Variants in PCSK9 observed in about 807,000 individuals in gnomAD.
PCSK9 encodes the protein convertase subtilisin/kexin type 9 preproprotein.
PCSK9 carries 57 observed loss-of-function variants against 62.1 expected under a neutral mutation model. The ratio of observed to expected loss-of-function variants is 0.92; its 90% CI spans 0.74 to 1.14. The LOEUF is 1.14. PCSK9 is among the 50% of genes most tolerant of loss of function. The pLI is 0.00. For synonymous variants in PCSK9, 387 were observed against 409.4 expected (o/e 0.95, Z 0.66); for missense variants, 870 against 959.8 (o/e 0.91, Z 1.24).
At chr1:55,052,552 C>A in intron 4 of PCSK9, 98 bp from the exon 5 acceptor site, 1 of 1,602,836 alleles carries the variant, frequency 6.2e-7, no homozygotes, top group Non-Finnish European at 8.5e-7. Context: ...TCCCTGCCAT[C>A]AGTTGTGGGA....
chr1:55,040,148 A>C lies in PCSK9; in HGVS notation c.207+104A>C. Reference sequence around the variant, plus strand: ...TCCCCCCATGTAAGAGAGGAAGTGGAGTGCAGGTCGCCGAGGGCTCTTCGC... The same window carrying C: ...TCCCCCCATGTAAGAGAGGAAGTGGCGTGCAGGTCGCCGAGGGCTCTTCGC... On this transcript the variant is annotated intron_variant, in intron 1 of 11. Transcript: ENST00000302118. This position sits in a 1 kb window ranked among gnomAD's most constrained non-coding sequence, Gnocchi z 4.1. 1 of 1,422,222 alleles carries C rather than the reference A, an allele frequency of 7.0e-7. No homozygotes were observed. Among genetic ancestry groups the C allele is most frequent in the East Asian group, 2.5e-5 (1 of 39,924 alleles). The allele number at this position is 1,422,222 out of a possible 1,614,324, so 88.1% of individuals were successfully genotyped here.
At chr1:55,055,538 A>G (rs1007269758) in intron 5 of PCSK9, among the ~76,000 whole-genome samples, 1 of 152,222 alleles carries the variant, frequency 6.6e-6, no homozygotes, top group Non-Finnish European at 1.5e-5. Context: ...TGTATTGGTC[A>G]AGGTTCTGCA....
chr1:55,057,616 AC>A, intron 7 of PCSK9, 102 bp downstream of exon 7: 1 of 1,378,580 alleles, frequency 7.3e-7, no homozygotes, highest in Non-Finnish European at 1.0e-6. Context: ...GTGCAGGGGG[AC>A]CAGAGATGAA....
In PCSK9 at chr1:55,064,022, T is replaced by G; in HGVS notation, c.*438T>G. ...GCGGTAGGGGCTGCAGGGACAAACA[T>G]CGTTGGGGGGTGAGTGTGAAAGGTG... On this transcript the variant is annotated 3_prime_UTR_variant, in exon 12 of 12. Transcript: ENST00000302118. The G allele has an allele frequency of 5.6e-6, 1 of 177,662 alleles. No homozygotes were observed. The highest frequency in any genetic ancestry group is 1.2e-5 in the Non-Finnish European group (1 of 84,182). The allele number at this position is 177,662 out of a possible 1,614,324, so 11.0% of individuals were successfully genotyped here.
chr1:55,056,473 G>C (rs537428570), intron 6 of PCSK9, among the ~76,000 whole-genome samples: 76 of 152,130 alleles, frequency 5.0e-4, no homozygotes, highest in African/African-American at 1.8e-3. Flanking sequence ...CCCACACCCC[G>C]TCCTGGCCAC....
chr1:55,044,266 T>C (rs4275490), intron 2 of PCSK9, among the ~76,000 whole-genome samples: 13,172 of 152,226 alleles, frequency 0.087, 810 homozygotes, highest in African/African-American at 0.17. Flanking sequence ...ACGAGGAGAC[T>C]GAAGTTCAGA....
rs11583680 is a variant in PCSK9 at position 55,039,995 on chromosome 1, C to G, written c.158C>G (p.Ala53Gly). The G allele has an allele frequency of 5.1e-5, 80 of 1,578,106 alleles. No individual in the cohort carries two copies. Among genetic ancestry groups the G allele is most frequent in the Non-Finnish European group, 6.6e-5 (77 of 1,162,822 alleles). ...LALRSEEDGL[A>G]EAPEHGTTAT... ...TTGCGTTCCGAGGAGGACGGCCTGG[C>G]CGAAGCACCCGAGCACGGAACCACA... is the stretch of plus-strand genomic sequence containing the variant. Residue 53 changes from alanine (A) to glycine (G), a missense_variant, in exon 1 of 12, where the codon GCC becomes GGC. Ala to Gly is a moderately conservative substitution (Grantham distance 60). Coordinates refer to ENST00000302118, the MANE Select transcript of PCSK9 (RefSeq NM_174936.4).
chr1:55,059,226 T>C (rs1244377896), intron 9 of PCSK9, among the ~76,000 whole-genome samples: 3 of 152,198 alleles, frequency 2.0e-5, no homozygotes, highest in Non-Finnish European at 4.4e-5. Context: ...GCTGGATCCT[T>C]GCTTTGGCCT....
chr1:55,040,049 G>A lies in PCSK9; in HGVS notation c.207+5G>A, dbSNP rs1272703401. On this transcript the variant is annotated splice_donor_5th_base_variant and intron_variant, in intron 1 of 11. Transcript: ENST00000302118. This position sits in a 1 kb window ranked among gnomAD's most constrained non-coding sequence, Gnocchi z 4.1. Reference sequence around the variant, plus strand: ...ACCTTCCACCGCTGCGCCAAGGTGCGGGTGTAGGGATGGGAGGCCGGGGCG... The same window carrying A: ...ACCTTCCACCGCTGCGCCAAGGTGCAGGTGTAGGGATGGGAGGCCGGGGCG... The A allele has an allele frequency of 8.3e-6, 13 of 1,557,852 alleles. No individual in the cohort carries two copies. The Admixed American group carries it at 2.3e-4, about 27-fold the overall frequency.
chr1:55,052,041 A>G (rs570445132), intron 3 of PCSK9: 4 of 590,130 alleles, frequency 6.8e-6, no homozygotes, highest in Admixed American at 2.7e-5. Context: ...TGGCAGTAGC[A>G]TTGCCAGCTG....
rs1170595010 is a variant in PCSK9 at position 55,039,620 on chromosome 1, G to GCTC, written c.-217_-216insTCC. On this transcript the variant is annotated 5_prime_UTR_variant, in exon 1 of 12. Coordinates refer to ENST00000302118, the MANE Select transcript of PCSK9 (RefSeq NM_174936.4). ...TCAGGGTCTGAGCCTGGAGGAGTGA[G>GCTC]CCAGGCAGTGAGACTGGCTCGGGCG... is the stretch of plus-strand genomic sequence containing the variant. The GCTC allele has an allele frequency of 3.2e-6, 2 of 620,968 alleles. No homozygotes were observed. Among genetic ancestry groups the GCTC allele is most frequent in the Non-Finnish European group, 5.6e-6 (2 of 355,740 alleles). 38.5% of individuals were successfully genotyped at this position (620,968 alleles called of 1,614,324 possible).
chr1:55,050,738 A>C (rs2100291088), intron 3 of PCSK9, among the ~76,000 whole-genome samples: 1 of 152,264 alleles, frequency 6.6e-6, no homozygotes, highest in South Asian at 2.1e-4. Context: ...CCTTGCCTGA[A>C]ATTCATGTGG....
chr1:55,043,821 G>T (rs768840467), intron 1 of PCSK9, 22 bp from the exon 2 acceptor site: 1 of 1,613,548 alleles, frequency 6.2e-7, no homozygotes, highest in Non-Finnish European at 8.5e-7. Flanking sequence ...ATGTCATCAT[G>T]TTCCTCCTTG....
At chr1:55,056,556 A>AT (rs1367150548) in intron 6 of PCSK9, among the ~76,000 whole-genome samples, 2 of 152,054 alleles carry the variant, frequency 1.3e-5, no homozygotes, top group African/African-American at 4.8e-5. Flanking sequence ...CCTCTGCCCA[A>AT]TACTCTTTGG....
chr1:55,052,631 C>T lies in PCSK9; in HGVS notation c.658-19C>T. 1 of 1,612,524 alleles carries T rather than the reference C, an allele frequency of 6.2e-7. No individual in the cohort carries two copies. The highest frequency in any genetic ancestry group is 8.5e-7 in the Non-Finnish European group (1 of 1,179,378). On this transcript the variant is annotated intron_variant, in intron 4 of 11. Coordinates refer to ENST00000302118, the MANE Select transcript of PCSK9 (RefSeq NM_174936.4). ...GGAGGGGGGGTCTTTCTCATGTGGT[C>T]CTTGTGTTCGTCGAGCAGGCCAGCA...
chr1:55,059,398 G>A, intron 9 of PCSK9, 88 bp from the exon 10 acceptor site: 1 of 1,486,234 alleles, frequency 6.7e-7, no homozygotes, highest in Non-Finnish European at 9.2e-7. Context: ...ACACTGATGA[G>A]GGTGCTTGAG....
rs1041095632 is a variant in PCSK9, at chr1:55,040,250, G to T, written c.207+206G>T. On this transcript the variant is annotated intron_variant, in intron 1 of 11. Transcript: ENST00000302118. This position sits in a 1 kb window ranked among gnomAD's most constrained non-coding sequence, Gnocchi z 4.1. ...GGGGAGCACGGTGGAGAGCGGGGAC[G>T]GCCGGCTCTTTGGGGACTTGCTGGG... is the stretch of plus-strand genomic sequence containing the variant. Among the ~76,000 whole-genome samples the T allele has an allele frequency of 6.6e-6, 1 of 152,168 alleles. No individual in the cohort carries two copies. Among genetic ancestry groups the T allele is most frequent in the Non-Finnish European group, 1.5e-5 (1 of 68,044 alleles).
At position 55,061,409 on chromosome 1, in the gene PCSK9, C is replaced by T. The variant is rs1199519345; in HGVS notation, c.1716C>T (p.Gly572=). The change falls in exon 11 of 12, where the codon GGC becomes GGT. Residue 572 remains glycine, a synonymous_variant. Coordinates refer to ENST00000302118, the MANE Select transcript of PCSK9 (RefSeq NM_174936.4). ...CSSHWEVEDL[G]THKPPVLRPR... is the part of the protein sequence containing the mutation. ...CCCACTGGGAGGTGGAGGACCTTGG[C>T]ACCCACAAGCCGCCTGTGCTGAGGC... is the stretch of plus-strand genomic sequence containing the variant. 1 of 1,610,296 alleles carries T rather than the reference C, an allele frequency of 6.2e-7. No homozygotes were observed. Among genetic ancestry groups the T allele is most frequent in the Non-Finnish European group, 8.5e-7 (1 of 1,179,084 alleles).
chr1:55,063,409 G>A lies in PCSK9; in HGVS notation c.1904G>A (p.Cys635Tyr). 1 of 1,613,904 alleles carries A rather than the reference G, an allele frequency of 6.2e-7. No homozygotes were observed. The highest frequency in any genetic ancestry group is 2.2e-5 in the East Asian group (1 of 44,882). The stretch of plus-strand genomic sequence containing the variant: ...GAGGAGGGCTGGACCCTGACTGGCT[G>A]CAGTGCCCTCCCTGGGACCTCCCAC... ...ACEEGWTLTG[C>Y]SALPGTSHVL... Residue 635 changes from cysteine to tyrosine, a missense_variant, in exon 12 of 12, where the codon TGC (cysteine) becomes TAC (tyrosine). Transcript: ENST00000302118.
Sources: gnomAD v4.1 joint callset for allele counts (sites outside exome capture counted in the v4.1 genomes callset) on GRCh38, gnomAD v4.1.1 for gene constraint, Gnocchi (gnomAD v3.1) non-coding constraint, MANE v1.5 for transcripts, NCBI Gene and HGNC (gene_info 2026-07-23, HGNC 2026-07-21) for gene names.